The following FLRT2 variants were observed in gnomAD, a reference collection of about 807,000 sequenced individuals.
FLRT2 encodes the protein leucine-rich repeat transmembrane protein FLRT2.
Under a neutral mutation model 40.0 loss-of-function variants are expected in FLRT2, and 15 were observed. That is an observed-to-expected ratio of 0.38 (90% CI 0.25 to 0.58). The LOEUF is 0.58. Ranked by LOEUF, FLRT2 falls within the 20% of genes least tolerant of loss-of-function variation. The pLI is 0.71. For synonymous variants in FLRT2, 380 were observed against 336.8 expected, an observed-to-expected ratio of 1.13 and a Z score of -1.41; for missense variants, 726 against 840.0, an observed-to-expected ratio of 0.86 and a Z score of 1.68.
rs1893564411 is a variant in FLRT2, at chr14:85,624,189, ATGCTTCCC to A, written c.*695_*702del. On this transcript the variant is annotated 3_prime_UTR_variant, in exon 2 of 2. Transcript: ENST00000330753. ...ACTGGGAACTTAAAAATCACTCTTC[ATGCTTCCC>A]TGGTCCTATGTGATAACAGAGTTAG... 6.0e-6 allele frequency: 1 copy of A among 166,904 alleles called. No homozygotes were observed. Among genetic ancestry groups the A allele is most frequent in the South Asian group, 2.1e-4 (1 of 4,822 alleles). 10.3% of individuals were successfully genotyped at this position (166,904 alleles called of 1,614,324 possible). A position where few individuals can be genotyped will look rare whatever the true frequency, so the allele number is the denominator to read the frequency against.
chr14:85,584,270 G>A (rs1173999892), intron 1 of FLRT2, among the ~76,000 whole-genome samples: 2 of 152,042 alleles, frequency 1.3e-5, no homozygotes, highest in Non-Finnish European at 1.5e-5. Flanking sequence ...AATGAGATGG[G>A]CACATATGGC....
Position 85,648,391 on chromosome 14 carries a change from A to T in FLRT2, c.*24894A>T, listed in dbSNP as rs753338485. On this transcript the variant is annotated 3_prime_UTR_variant, in exon 2 of 2. Coordinates refer to ENST00000330753, the MANE Select transcript of FLRT2 (RefSeq NM_013231.6). ...GGGGGCTGAATGCGAACGAGGTTTC[A>T]CCATTAAATATACTTATACATTTGG... 1 of 152,144 alleles carries T rather than the reference A, an allele frequency of 6.6e-6. No homozygotes were observed. Among genetic ancestry groups the T allele is most frequent in the Non-Finnish European group, 1.5e-5 (1 of 68,042 alleles). 9.4% of individuals were successfully genotyped at this position (152,144 alleles called of 1,614,324 possible).
intron 1 of FLRT2, among the ~76,000 whole-genome samples, chr14:85,619,472 C>T (rs909789836): frequency 2.0e-5 from 3 of 151,968 alleles, no homozygotes; most frequent in South Asian, 2.1e-4. Context: ...CTTATATTTC[C>T]GAAACAATAA....
chr14:85,585,358 C>A (rs1201038758), intron 1 of FLRT2, among the ~76,000 whole-genome samples: 1 of 152,140 alleles, frequency 6.6e-6, no homozygotes, highest in African/African-American at 2.4e-5. Context: ...TTTTTCAGGG[C>A]AGTATTTATA....
At chr14:85,614,206 G>T (rs575318692) in intron 1 of FLRT2, among the ~76,000 whole-genome samples, 2 of 152,240 alleles carry the variant, frequency 1.3e-5, no homozygotes, top group South Asian at 4.1e-4. Context: ...AAGTGGAAAA[G>T]CTGTTCAGGT....
At chr14:85,567,752 C>G (rs1005316548) in intron 1 of FLRT2, among the ~76,000 whole-genome samples, 3 of 150,808 alleles carry the variant, frequency 2.0e-5, no homozygotes, top group African/African-American at 7.3e-5. Context: ...GTGATTCTTC[C>G]GCCTCAGCCC....
At chr14:85,552,366 C>A (rs1245433906) in intron 1 of FLRT2, among the ~76,000 whole-genome samples, 1 of 152,116 alleles carries the variant, frequency 6.6e-6, no homozygotes, top group Non-Finnish European at 1.5e-5. Context: ...TAATAAAACC[C>A]CTTGAAGAGT....
intron 1 of FLRT2, among the ~76,000 whole-genome samples, chr14:85,533,545 A>G (rs1214024680): frequency 6.6e-6 from 1 of 152,090 alleles, no homozygotes; most frequent in Non-Finnish European, 1.5e-5. Flanking sequence ...GCCGCGGGGC[A>G]GCTTTCTGCC....
intron 1 of FLRT2, among the ~76,000 whole-genome samples, chr14:85,570,909 A>G (rs1595039202): frequency 6.6e-6 from 1 of 151,976 alleles, no homozygotes; most frequent in African/African-American, 2.4e-5. Flanking sequence ...TTTTAAAAAA[A>G]CAACTCTGGT....
intron 1 of FLRT2, among the ~76,000 whole-genome samples, chr14:85,612,798 G>A (rs1417575262): frequency 6.6e-6 from 1 of 152,144 alleles, no homozygotes; most frequent in African/African-American, 2.4e-5. Flanking sequence ...ATAGGCTTAA[G>A]CAATGAATTT....
chr14:85,620,709 C>T (rs969406300), intron 1 of FLRT2, among the ~76,000 whole-genome samples: 3 of 152,086 alleles, frequency 2.0e-5, no homozygotes, highest in Admixed American at 2.0e-4. Context: ...CACATTTTCC[C>T]CTTCACTTTT....
At chr14:85,588,797 A>G (rs569036247) in intron 1 of FLRT2, among the ~76,000 whole-genome samples, 4 of 152,010 alleles carry the variant, frequency 2.6e-5, no homozygotes, top group Admixed American at 6.5e-5. Flanking sequence ...TCTGGTAACC[A>G]TCTTTCTATT....
Position 85,621,817 on chromosome 14 carries a change from C to T in FLRT2, c.303C>T (p.Asp101=), listed in dbSNP as rs756896260. 24 of 1,614,004 alleles carry T rather than the reference C, an allele frequency of 1.5e-5. No individual in the cohort carries two copies. Among genetic ancestry groups the T allele is most frequent in the South Asian group, 1.1e-4 (10 of 91,090 alleles). The change falls in exon 2 of 2, where the codon GAC becomes GAT. Residue 101 remains aspartate, a synonymous_variant. Coordinates refer to ENST00000330753, the MANE Select transcript of FLRT2 (RefSeq NM_013231.6). ...HTVYLYGNQL[D]EFPMNLPKNV... ...TCTACCTGTATGGCAACCAACTGGACGAATTCCCCATGAACCTTCCCAAGA... is the reference window on the plus strand; with the variant it reads ...TCTACCTGTATGGCAACCAACTGGATGAATTCCCCATGAACCTTCCCAAGA...
Position 85,646,266 on chromosome 14 carries a change from G to C in FLRT2, c.*22769G>C, listed in dbSNP as rs751195903. 1.3e-5 allele frequency: 2 copies of C among 152,170 alleles called. No individual in the cohort carries two copies. Among genetic ancestry groups the C allele is most frequent in the Non-Finnish European group, 2.9e-5 (2 of 68,028 alleles). The allele number at this position is 152,170 out of a possible 1,614,324, so 9.4% of individuals were successfully genotyped here. ...TTGGATGAAGCTGTAATTGGAAGTT[G>C]AGGACACTGTCATTCAGAATAAGAT... On this transcript the variant is annotated 3_prime_UTR_variant, in exon 2 of 2. Transcript: ENST00000330753.
chr14:85,560,567 C>T (rs925565859), intron 1 of FLRT2, among the ~76,000 whole-genome samples: 3 of 150,426 alleles, frequency 2.0e-5, no homozygotes, highest in African/African-American at 7.4e-5. Flanking sequence ...GGCTGCAGAG[C>T]GAGACTCCAT....
intron 1 of FLRT2, among the ~76,000 whole-genome samples, chr14:85,565,481 G>A (rs1731091780): frequency 1.3e-5 from 2 of 152,086 alleles, no homozygotes; most frequent in African/African-American, 4.8e-5. Flanking sequence ...CTGGGACCCC[G>A]ATAGTTTCCC....
rs536009333 is a variant in FLRT2, at chr14:85,635,599, G to A, written c.*12102G>A. The A allele has an allele frequency of 6.6e-6, 1 of 151,986 alleles. No homozygotes were observed. The highest frequency in any genetic ancestry group is 2.4e-5 in the African/African-American group (1 of 41,490). 9.4% of individuals were successfully genotyped at this position (151,986 alleles called of 1,614,324 possible). A position where few individuals can be genotyped will look rare whatever the true frequency, so the allele number is the denominator to read the frequency against. ...ATATTTGACAGAGAAAGAATTATGAGAATAGCTAGAAAATATTAAATAATA... is the reference window on the plus strand; with the variant it reads ...ATATTTGACAGAGAAAGAATTATGAAAATAGCTAGAAAATATTAAATAATA... On this transcript the variant is annotated 3_prime_UTR_variant, in exon 2 of 2. Transcript: ENST00000330753.
intron 1 of FLRT2, chr14:85,551,720 T>C (rs1363327487): frequency 3.3e-5 from 5 of 152,222 alleles, no homozygotes; most frequent in Non-Finnish European, 5.9e-5. Flanking sequence ...CTGAGATTAC[T>C]GATGACTTAA....
intron 1 of FLRT2, among the ~76,000 whole-genome samples, chr14:85,568,049 A>C (rs183409185): frequency 6.6e-6 from 1 of 152,256 alleles, no homozygotes; most frequent in East Asian, 1.9e-4. Context: ...GAGTACCACA[A>C]GAAAGAGGCC....
Sources: gnomAD v4.1 joint callset for allele counts (sites outside exome capture counted in the v4.1 genomes callset) on GRCh38, gnomAD v4.1.1 for gene constraint, MANE v1.5 for transcripts, NCBI Gene and HGNC (gene_info 2026-07-23, HGNC 2026-07-21) for gene names.